PDCD2L: variants seen among roughly 807,000 people sequenced by gnomAD.
PDCD2L encodes the protein uS5 assembly chaperone PDCD2L.
In PDCD2L, 44 loss-of-function variants were observed where a neutral mutation model predicts 40.4. The observed-to-expected ratio is 1.09, with a 90% CI of 0.86 to 1.40. The LOEUF (loss-of-function observed/expected upper bound fraction) is 1.40, where lower values mean the gene tolerates loss of function less well. Ranked by LOEUF, PDCD2L falls within the 40% of genes most tolerant of loss-of-function variation. The probability of loss-of-function intolerance (pLI) is 0.00; values close to 1 mark genes in which losing one functional copy is unlikely to be tolerated. For synonymous variants in PDCD2L, 194 were observed against 174.6 expected, an observed-to-expected ratio of 1.11 and a Z score of -0.88; for missense variants, 470 against 453.7, an observed-to-expected ratio of 1.04 and a Z score of -0.33.
intron 5 of PDCD2L, among the ~76,000 whole-genome samples, chr19:34,417,738 T>A (rs997318442): frequency 6.6e-6 from 1 of 152,180 alleles, no homozygotes; most frequent in Non-Finnish European, 1.5e-5. Context: ...AGAGAGAAGA[T>A]GGTATCTTTG....
intron 6 of PDCD2L, chr19:34,421,878 A>G: frequency 2.4e-6 from 1 of 412,302 alleles, no homozygotes; most frequent in Non-Finnish European, 4.3e-6. Context: ...TCACAAGGTC[A>G]GGAGATCGAG....
intron 5 of PDCD2L, among the ~76,000 whole-genome samples, chr19:34,414,220 G>C (rs745518959): frequency 1.3e-5 from 2 of 151,620 alleles, no homozygotes; most frequent in Non-Finnish European, 2.9e-5. Context: ...CTGTCGCCCA[G>C]GCTGGAGTGT....
In PDCD2L at chr19:34,421,480, T is replaced by G. The variant is rs371611608; in HGVS notation, c.798-39T>G. ...GCCTTAGATGCTAGAATGCGACTTG[T>G]GTGGCTCTGATTCGGGGTTCTTTGT... On this transcript the variant is annotated intron_variant, in intron 5 of 6. Transcript: ENST00000246535. The G allele has an allele frequency of 5.0e-6, 8 of 1,609,472 alleles. No homozygotes were observed. In the Admixed American group the frequency reaches 5.1e-5, roughly 10 times the overall value.
At chr19:34,408,651 A>G (rs1447189489) in intron 3 of PDCD2L, among the ~76,000 whole-genome samples, 1 of 152,140 alleles carries the variant, frequency 6.6e-6, no homozygotes, top group Non-Finnish European at 1.5e-5. Context: ...CTTAGGTGTG[A>G]TCTGGTGAAC....
chr19:34,424,888 G>T (rs970942753), intron 6 of PDCD2L, among the ~76,000 whole-genome samples: 3 of 151,802 alleles, frequency 2.0e-5, no homozygotes, highest in Non-Finnish European at 4.4e-5. Flanking sequence ...GGGATTACAG[G>T]TGCCTACCAC....
intron 3 of PDCD2L, 67 bp from the exon 4 acceptor site, chr19:34,409,094 T>C: frequency 5.5e-6 from 8 of 1,465,574 alleles, no homozygotes; most frequent in South Asian, 3.8e-5. Context: ...GGTGGGTGGC[T>C]GGAGCCGAAG....
chr19:34,421,914 C>A, intron 6 of PDCD2L: 1 of 304,044 alleles, frequency 3.3e-6, no homozygotes, highest in South Asian at 3.7e-5. Context: ...GTGGTGAAAC[C>A]CTGTCTCTAC....
At chr19:34,421,370 T>C (rs1022606120) in intron 5 of PDCD2L, 149 bp from the exon 6 acceptor site, 5 of 826,192 alleles carry the variant, frequency 6.1e-6, no homozygotes, top group Admixed American at 4.7e-5. Flanking sequence ...TTTCCAGATA[T>C]CTTGCTATGC....
chr19:34,419,609 T>A (rs2075140257), intron 5 of PDCD2L, among the ~76,000 whole-genome samples: 1 of 151,790 alleles, frequency 6.6e-6, no homozygotes, highest in African/African-American at 2.4e-5. Context: ...CTCAAAGTGC[T>A]AGGGTTATAG....
At position 34,404,674 on chromosome 19, in the gene PDCD2L, C is replaced by G; in HGVS notation, c.134C>G (p.Pro45Arg). The G allele has an allele frequency of 6.2e-7, 1 of 1,611,908 alleles. No individual in the cohort carries two copies. Among genetic ancestry groups the G allele is most frequent in the Non-Finnish European group, 8.5e-7 (1 of 1,179,792 alleles). ...IPDALPTVAA[P>R]RPVCQRCGQP... ...GATGCTCTGCCCACCGTGGCTGCGC[C>G]CAGGCCCGTGTGTCAGCGCTGCGGG... The change falls in exon 2 of 7, where the codon CCC (proline) becomes CGC (arginine). Residue 45 changes from proline (P) to arginine (R), a missense_variant. Coordinates refer to ENST00000246535, the MANE Select transcript of PDCD2L (RefSeq NM_032346.2).
In PDCD2L at chr19:34,409,175, C is replaced by T; in HGVS notation, c.351C>T (p.Ser117=). ...TATTTTTCCAGAAACAGGGAAACAGCCTTGCAGCTGAGGACTGGTGTGAAG... is the reference window on the plus strand; with the variant it reads ...TATTTTTCCAGAAACAGGGAAACAGTCTTGCAGCTGAGGACTGGTGTGAAG... ...EAQDAQKQGN[S]LAAEDWCEGA... Residue 117 remains serine, a synonymous_variant, in exon 4 of 7, where the codon AGC becomes AGT. Coordinates refer to ENST00000246535, the MANE Select transcript of PDCD2L (RefSeq NM_032346.2). 6.2e-7 allele frequency: 1 copy of T among 1,610,200 alleles called. No homozygotes were observed. Among genetic ancestry groups the T allele is most frequent in the Non-Finnish European group, 8.5e-7 (1 of 1,176,678 alleles).
At chr19:34,419,918 G>A (rs567306476) in intron 5 of PDCD2L, among the ~76,000 whole-genome samples, 12 of 151,214 alleles carry the variant, frequency 7.9e-5, no homozygotes, top group African/African-American at 2.7e-4. Context: ...AAGTAGCTGG[G>A]ACCACAGGCG....
chr19:34,411,258 T>C (rs1328360577), intron 4 of PDCD2L, among the ~76,000 whole-genome samples: 76 of 149,574 alleles, frequency 5.1e-4, no homozygotes, highest in Middle Eastern at 6.8e-3. Flanking sequence ...TTTTTTTTTT[T>C]TGAGACAGTC....
intron 5 of PDCD2L, among the ~76,000 whole-genome samples, chr19:34,414,158 T>TTTA (rs934842223): frequency 1.3e-5 from 2 of 152,054 alleles, no homozygotes; most frequent in South Asian, 2.1e-4. Context: ...TCTCATAGCC[T>TTTA]TTATTATTAT....
Position 34,426,071 on chromosome 19 carries a change from A to G in PDCD2L, c.1028A>G (p.Glu343Gly). ...CCCCCAAATCATCAGACTCCCATGG[A>G]AGAATTTTGTATTATACAAGAAGAC... ...CWPPNHQTPM[E>G]EFCIIQEDPD... Residue 343 changes from glutamate to glycine, a missense_variant, in exon 7 of 7, where the codon GAA becomes GGA. Glu to Gly is a moderately conservative substitution (Grantham distance 98). Coordinates refer to ENST00000246535, the MANE Select transcript of PDCD2L (RefSeq NM_032346.2). The G allele has an allele frequency of 2.5e-6, 4 of 1,603,700 alleles. No homozygotes were observed. The highest frequency in any genetic ancestry group is 3.4e-6 in the Non-Finnish European group (4 of 1,170,470).
Position 34,426,107 on chromosome 19 carries a change from T to C in PDCD2L, c.1064T>C (p.Leu355Ser). 6.3e-7 allele frequency: 1 copy of C among 1,577,328 alleles called. No individual in the cohort carries two copies. The highest frequency in any genetic ancestry group is 1.7e-5 in the Admixed American group (1 of 59,504). ...ATTATACAAGAAGACCCAGATGAATTATTGTTTAAGTAGAGCATTTCCTTT... is the reference window on the plus strand; with the variant it reads ...ATTATACAAGAAGACCCAGATGAATCATTGTTTAAGTAGAGCATTTCCTTT... ...FCIIQEDPDELLFK is the reference protein window; with the variant it reads ...FCIIQEDPDESLFK The change falls in exon 7 of 7, where the codon TTA becomes TCA. Residue 355 changes from leucine (L) to serine (S), a missense_variant. Physicochemically the swap from Leu to Ser is moderately radical, Grantham distance 145. Transcript: ENST00000246535.
At chr19:34,404,842 C>G (rs756295798) in intron 2 of PDCD2L, 27 bp downstream of exon 2, 2 of 1,604,726 alleles carry the variant, frequency 1.2e-6, no homozygotes, top group Admixed American at 1.7e-5. Context: ...CAGAGCTGCT[C>G]CAGGGGTGTC....
At chr19:34,424,511 T>C (rs2075166971) in intron 6 of PDCD2L, among the ~76,000 whole-genome samples, 1 of 152,162 alleles carries the variant, frequency 6.6e-6, no homozygotes, top group Non-Finnish European at 1.5e-5. Context: ...GATTCAAGTG[T>C]CCATTTGACC....
intron 3 of PDCD2L, among the ~76,000 whole-genome samples, chr19:34,407,756 C>T (rs570233107): frequency 1.3e-4 from 20 of 152,086 alleles, no homozygotes; most frequent in African/African-American, 2.9e-4. Flanking sequence ...ATAATGTATA[C>T]GTGTCTTTAT....
Sources: gnomAD v4.1 joint callset for allele counts (sites outside exome capture counted in the v4.1 genomes callset) on GRCh38, gnomAD v4.1.1 for gene constraint, MANE v1.5 for transcripts, NCBI Gene and HGNC (gene_info 2026-07-23, HGNC 2026-07-21) for gene names.